Variants in FRYL observed in about 807,000 individuals in gnomAD.
The protein encoded by FRYL is FRY like transcription coactivator, also known as protein furry homolog-like.
Under a neutral mutation model 351.2 loss-of-function variants are expected in FRYL, and 150 were observed. The ratio of observed to expected loss-of-function variants is 0.43; its 90% CI spans 0.37 to 0.49. FRYL has a LOEUF of 0.49. Ranked by LOEUF, FRYL falls within the 20% of genes least tolerant of loss-of-function variation. FRYL has a pLI of 0.00. For missense variants in FRYL, 3,036 were observed against 3,619.3 expected (o/e 0.84, Z 4.13); for synonymous variants, 1,153 against 1,257.1 (o/e 0.92, Z 1.75).
At chr4:48,664,514 AC>A (rs1442765082) in intron 3 of FRYL, among the ~76,000 whole-genome samples, 1 of 152,086 alleles carries the variant, frequency 6.6e-6, no homozygotes, top group Non-Finnish European at 1.5e-5. Context: ...TTCAAAGGTG[AC>A]CCCCAGGCTT....
chr4:48,775,397 T>C (rs553935630), intron 1 of FRYL, among the ~76,000 whole-genome samples: 7 of 152,354 alleles, frequency 4.6e-5, no homozygotes, highest in East Asian at 1.9e-4. Flanking sequence ...GTACACACTA[T>C]AGATGCAGTT....
At chr4:48,740,108 A>G (rs1771880333) in intron 1 of FRYL, among the ~76,000 whole-genome samples, 1 of 152,064 alleles carries the variant, frequency 6.6e-6, no homozygotes, top group South Asian at 2.1e-4. Context: ...GCAATAAAAA[A>G]CAGATTAAGA....
rs752156142 is a variant in FRYL, at chr4:48,586,641, G to A, written c.1728C>T (p.Asp576=). ...TTTACCTTGCTAACAATTCAATCAG[G>A]TCAGTTCTGCTCATACCGTCAGGAA... ...RLIPDGMSRT[D]LIELLARLTI... is the part of the protein sequence containing the mutation. Residue 576 remains aspartate, a synonymous_variant, in exon 19 of 64, where the codon GAC becomes GAT. Coordinates refer to ENST00000358350, the MANE Select transcript of FRYL (RefSeq NM_015030.2). 4 of 1,610,268 alleles carry A rather than the reference G, an allele frequency of 2.5e-6. No homozygotes were observed. The South Asian group carries it at 4.4e-5, about 18-fold the overall frequency.
At chr4:48,573,428 GA>G (rs1315313995) in intron 25 of FRYL, among the ~76,000 whole-genome samples, 185 bp from the exon 26 acceptor site, 3 of 151,490 alleles carry the variant, frequency 2.0e-5, no homozygotes, top group East Asian at 1.9e-4. Flanking sequence ...TTGGAAACCA[GA>G]AAAAAAATGG....
At chr4:48,522,709 T>C (rs946076532) in intron 54 of FRYL, among the ~76,000 whole-genome samples, 192 bp downstream of exon 54, 51 of 152,220 alleles carry the variant, frequency 3.4e-4, no homozygotes, top group Non-Finnish European at 7.2e-4. Context: ...TAGCAGCTAA[T>C]AGGTGTGCAG....
At chr4:48,599,936 C>T (rs1381911342) in intron 13 of FRYL, among the ~76,000 whole-genome samples, 4 of 151,678 alleles carry the variant, frequency 2.6e-5, no homozygotes, top group East Asian at 1.9e-4. Context: ...GGTGAAACCC[C>T]GTCTGTACTA....
At chr4:48,594,559 T>C (rs1744208747) in intron 15 of FRYL, among the ~76,000 whole-genome samples, 1 of 152,240 alleles carries the variant, frequency 6.6e-6, no homozygotes, top group Admixed American at 6.5e-5. Context: ...TTTTGAACAC[T>C]TGATCTAAAG....
intron 1 of FRYL, among the ~76,000 whole-genome samples, chr4:48,761,159 T>G (rs1774386583): frequency 6.6e-6 from 1 of 152,098 alleles, no homozygotes; most frequent in Non-Finnish European, 1.5e-5. Flanking sequence ...TAATTTTGTT[T>G]GAAAAAAATA....
intron 31 of FRYL, among the ~76,000 whole-genome samples, chr4:48,563,712 A>G (rs1192030973): frequency 6.6e-6 from 1 of 151,946 alleles, no homozygotes; most frequent in Non-Finnish European, 1.5e-5. Context: ...TGTCTAAAAA[A>G]AAAAAAAAAG....
At chr4:48,614,964 C>A (rs1443180380) in intron 7 of FRYL, among the ~76,000 whole-genome samples, 1 of 150,864 alleles carries the variant, frequency 6.6e-6, no homozygotes, top group Non-Finnish European at 1.5e-5. Flanking sequence ...GTAGCTGGGA[C>A]TACAGGCGCC....
chr4:48,520,416 A>T (rs2148822246), intron 55 of FRYL: 1 of 152,330 alleles, frequency 6.6e-6, no homozygotes, highest in Non-Finnish European at 1.5e-5. Flanking sequence ...GACAAAATGT[A>T]GCATTTCCTA....
At chr4:48,656,394 T>C in intron 3 of FRYL, among the ~76,000 whole-genome samples, 1 of 12,358 alleles carries the variant, frequency 8.1e-5, no homozygotes, top group South Asian at 2.4e-3. Context: ...AATATATAAT[T>C]AATATATAAT....
chr4:48,742,022 T>A (rs1772141761), intron 1 of FRYL, among the ~76,000 whole-genome samples: 1 of 152,160 alleles, frequency 6.6e-6, no homozygotes, highest in African/African-American at 2.4e-5. Context: ...GGACTCTGGG[T>A]AACAATGATG....
chr4:48,774,004 T>C (rs1242449079), intron 1 of FRYL, among the ~76,000 whole-genome samples: 1 of 152,220 alleles, frequency 6.6e-6, no homozygotes, highest in Non-Finnish European at 1.5e-5. Flanking sequence ...CTATTTACAG[T>C]ACTTACACAC....
At chr4:48,525,154 T>G (rs1725768467) in intron 53 of FRYL, among the ~76,000 whole-genome samples, 4 of 146,882 alleles carry the variant, frequency 2.7e-5, no homozygotes, top group Non-Finnish European at 4.5e-5. Context: ...GCAACTTTTA[T>G]TTTTAAAGGT....
At chr4:48,637,082 A>ATTT (rs1231706532) in intron 3 of FRYL, 1 of 152,148 alleles carries the variant, frequency 6.6e-6, no homozygotes, top group Admixed American at 6.6e-5. Context: ...ACACACAGTT[A>ATTT]ATCACTTTTG....
At chr4:48,623,878 T>C (rs1029345051) in intron 4 of FRYL, among the ~76,000 whole-genome samples, 18 of 9,210 alleles carry the variant, frequency 2.0e-3, no homozygotes, top group Non-Finnish European at 3.9e-3. Flanking sequence ...GCTAGTAATA[T>C]AAAATACCTT....
chr4:48,619,427 G>C (rs893648517), intron 6 of FRYL, 57 bp from the exon 7 acceptor site: 3 of 907,474 alleles, frequency 3.3e-6, no homozygotes, highest in African/African-American at 3.4e-5. Context: ...AAAAATACCT[G>C]TTAGTTAGTA....
At chr4:48,736,336 G>A (rs900034507) in intron 1 of FRYL, among the ~76,000 whole-genome samples, 4 of 151,734 alleles carry the variant, frequency 2.6e-5, no homozygotes, top group African/African-American at 9.7e-5. Context: ...TAAATCCAAA[G>A]TAAAGAGAAG....
Sources: gnomAD v4.1 joint callset for allele counts (sites outside exome capture counted in the v4.1 genomes callset) on GRCh38, gnomAD v4.1.1 for gene constraint, MANE v1.5 for transcripts, NCBI Gene and HGNC (gene_info 2026-07-23, HGNC 2026-07-21) for gene names.